The following LYRM4 variants were observed in gnomAD, a reference collection of about 807,000 sequenced individuals.
LYRM4 encodes the protein LYR motif containing 4.
LYRM4 carries 9 observed loss-of-function variants against 11.7 expected under a neutral mutation model. The observed-to-expected ratio is 0.77, with a 90% CI of 0.46 to 1.34. The LOEUF (loss-of-function observed/expected upper bound fraction) is 1.34, where lower values mean the gene tolerates loss of function less well. Ranked by LOEUF, LYRM4 falls within the 40% of genes most tolerant of loss-of-function variation. LYRM4 has a pLI of 0.00. For missense variants in LYRM4, 133 were observed against 112.5 expected (o/e 1.18, Z -0.82); for synonymous variants, 42 against 40.4 (o/e 1.04, Z -0.15).
chr6:5,173,576 A>G (rs1299294865), intron 2 of LYRM4, among the ~76,000 whole-genome samples: 7 of 152,260 alleles, frequency 4.6e-5, no homozygotes, highest in African/African-American at 1.7e-4. Flanking sequence ...ATGATATCCT[A>G]CATTAACACA....
At chr6:5,062,583 A>T in the LYRM4 span, among the ~76,000 whole-genome samples, 1 of 152,088 alleles carries the variant, frequency 6.6e-6, no homozygotes, top group Non-Finnish European at 1.5e-5. Flanking sequence ...GGCCAAAGGG[A>T]TGGTATCACC....
chr6:5,200,087 TA>T (rs2127703426), intron 2 of LYRM4, among the ~76,000 whole-genome samples: 1 of 152,364 alleles, frequency 6.6e-6, no homozygotes, highest in South Asian at 2.1e-4. Context: ...ATGACTTTCT[TA>T]ATAACTGTAG....
chr6:5,143,178 G>C (rs1043623103), intron 2 of LYRM4, among the ~76,000 whole-genome samples: 6 of 152,032 alleles, frequency 3.9e-5, no homozygotes, highest in African/African-American at 1.5e-4. Context: ...TGGCCACATT[G>C]AGGAGGCCAA....
chr6:5,166,527 T>G (rs2127661394), intron 2 of LYRM4, among the ~76,000 whole-genome samples: 1 of 152,386 alleles, frequency 6.6e-6, no homozygotes, highest in Non-Finnish European at 1.5e-5. Flanking sequence ...AGCCTTTTCC[T>G]ACTTGTCCTA....
chr6:5,247,556 A>AG (rs1764250301), intron 1 of LYRM4, among the ~76,000 whole-genome samples: 1 of 152,244 alleles, frequency 6.6e-6, no homozygotes, highest in Non-Finnish European at 1.5e-5. Context: ...TTAACTGTAT[A>AG]GGGAAAATAT....
At chr6:5,099,340 C>T (rs954013679), downstream of LYRM4, among the ~76,000 whole-genome samples, 4 of 151,724 alleles carry the variant, frequency 2.6e-5, no homozygotes, top group African/African-American at 9.7e-5. This position sits in a 1 kb window ranked among gnomAD's most constrained non-coding sequence, Gnocchi z 4.3. Context: ...GTAGCTGGGA[C>T]CACTATAGCA....
At chr6:5,159,596 C>A (rs1571564) in intron 2 of LYRM4, among the ~76,000 whole-genome samples, 24 of 152,094 alleles carry the variant, frequency 1.6e-4, no homozygotes, top group African/African-American at 5.1e-4. Flanking sequence ...CCCATCTCAA[C>A]CTCTCTCCAG....
chr6:5,120,416 C>T (rs1763384735), intron 2 of LYRM4, among the ~76,000 whole-genome samples: 1 of 152,168 alleles, frequency 6.6e-6, no homozygotes, highest in African/African-American at 2.4e-5. Context: ...TTCGTGGTCT[C>T]TCTGACTTCA....
intron 2 of LYRM4, among the ~76,000 whole-genome samples, chr6:5,156,631 C>A (rs142244099): frequency 6.6e-6 from 1 of 152,188 alleles, no homozygotes; most frequent in African/African-American, 2.4e-5. Context: ...TGCTGAGCTG[C>A]CTCATGCTCT....
At chr6:5,118,094 A>ATATATATATATATATATATATATTTTT in intron 2 of LYRM4, among the ~76,000 whole-genome samples, 1 of 86,114 alleles carries the variant, frequency 1.2e-5, no homozygotes, top group African/African-American at 3.9e-5. Flanking sequence ...ATATATATAT[A>ATATATATATATATATATATATATTTTT]TTTTTGTTTT....
At chr6:5,081,051 A>G in the LYRM4 span, among the ~76,000 whole-genome samples, 2 of 150,468 alleles carry the variant, frequency 1.3e-5, no homozygotes, top group African/African-American at 4.9e-5. Flanking sequence ...CAAACGGTAA[A>G]GCTTGGAGCC....
chr6:5,161,352 T>G (rs1206558296), intron 2 of LYRM4, among the ~76,000 whole-genome samples: 1 of 152,224 alleles, frequency 6.6e-6, no homozygotes, highest in Non-Finnish European at 1.5e-5. Context: ...GATAAATTAG[T>G]AGGATCTATC....
rs146191727 is a variant in LYRM4, at chr6:5,241,830, A to T, written c.86+18818T>A. ...CCACAAGGATTAGAGACAGGAAAAC[A>T]GGCCGTGGAGATAACTGGAAGTAAA... On this transcript the variant is annotated intron_variant, in intron 1 of 2. Transcript: ENST00000330636. 4.2e-3 allele frequency among the ~76,000 whole-genome samples: 634 copies of T among 150,126 alleles called. 2 individuals are homozygous for T. The highest frequency in any genetic ancestry group is 0.015 in the African/African-American group (606 of 39,906).
intron 2 of LYRM4, among the ~76,000 whole-genome samples, chr6:5,147,343 C>T (rs1391661581): frequency 1.3e-5 from 2 of 152,172 alleles, no homozygotes; most frequent in Admixed American, 1.3e-4. Flanking sequence ...GCTAAAGTCA[C>T]TGATGTCATA....
At chr6:5,179,675 T>C (rs759875487) in intron 2 of LYRM4, among the ~76,000 whole-genome samples, 4 of 152,356 alleles carry the variant, frequency 2.6e-5, no homozygotes, top group Non-Finnish European at 5.9e-5. Flanking sequence ...CATCCATCCA[T>C]GGACACTTGG....
chr6:5,231,678 C>G (rs182831721), intron 1 of LYRM4, among the ~76,000 whole-genome samples: 1 of 152,180 alleles, frequency 6.6e-6, no homozygotes, highest in Non-Finnish European at 1.5e-5. Flanking sequence ...TTTGAAAATA[C>G]ACTTAGCCTC....
At chr6:5,042,196 C>G in the LYRM4 span, among the ~76,000 whole-genome samples, 1 of 151,704 alleles carries the variant, frequency 6.6e-6, no homozygotes, top group South Asian at 2.1e-4. Flanking sequence ...CCTCCTTGGC[C>G]CTAAATGGAG....
intron 2 of LYRM4, among the ~76,000 whole-genome samples, chr6:5,142,184 G>A (rs115922610): frequency 6.6e-6 from 1 of 152,268 alleles, no homozygotes; most frequent in African/African-American, 2.4e-5. Flanking sequence ...TGGAGGTGAC[G>A]CTGTACAACT....
chr6:5,195,095 A>G (rs1760974198), intron 2 of LYRM4, among the ~76,000 whole-genome samples: 1 of 152,246 alleles, frequency 6.6e-6, no homozygotes, highest in Admixed American at 6.5e-5. Context: ...TTATTAAAAT[A>G]CACACAATAG....
Sources: gnomAD v4.1 joint callset for allele counts (sites outside exome capture counted in the v4.1 genomes callset) on GRCh38, gnomAD v4.1.1 for gene constraint, Gnocchi (gnomAD v3.1) non-coding constraint, MANE v1.5 for transcripts, NCBI Gene and HGNC (gene_info 2026-07-23, HGNC 2026-07-21) for gene names.